The following PDE1A variants were observed in gnomAD, a reference collection of about 807,000 sequenced individuals.
The protein encoded by PDE1A is phosphodiesterase 1A.
In PDE1A, 35 loss-of-function variants were observed where a neutral mutation model predicts 61.7. That is an observed-to-expected ratio of 0.57 (90% confidence interval 0.43 to 0.75). PDE1A has a LOEUF of 0.75. Ranked by LOEUF, PDE1A falls within the 30% of genes least tolerant of loss-of-function variation. PDE1A has a pLI of 0.00. For missense variants in PDE1A, 597 were observed against 630.6 expected (o/e 0.95, Z 0.57); for synonymous variants, 232 against 213.2 (o/e 1.09, Z -0.77).
chr2:182,615,929 CT>C, the PDE1A span, among the ~76,000 whole-genome samples: 3 of 152,216 alleles, frequency 2.0e-5, no homozygotes, highest in Non-Finnish European at 4.4e-5. Flanking sequence ...CCAATCACCT[CT>C]TAAAGGTCTC....
chr2:182,381,025 AG>A (rs1397316426), intron 1 of PDE1A, among the ~76,000 whole-genome samples: 2 of 152,210 alleles, frequency 1.3e-5, no homozygotes, highest in Non-Finnish European at 1.5e-5. Context: ...GTTGTATTTG[AG>A]CCAAAGCAGT....
chr2:182,549,340 T>C, the PDE1A span, among the ~76,000 whole-genome samples: 3 of 152,080 alleles, frequency 2.0e-5, no homozygotes, highest in Non-Finnish European at 2.9e-5. Context: ...ATTACAAGTA[T>C]TGATTATGCA....
At chr2:182,196,275 CT>C (rs1272775269) in intron 10 of PDE1A, among the ~76,000 whole-genome samples, 1 of 151,924 alleles carries the variant, frequency 6.6e-6, no homozygotes, top group African/African-American at 2.4e-5. Context: ...CAGATCTGAA[CT>C]CAATTTCATT....
the PDE1A span, among the ~76,000 whole-genome samples, chr2:182,695,666 C>CAAAAAAAAAAAAA: frequency 3.0e-5 from 1 of 32,866 alleles, no homozygotes; most frequent in Non-Finnish European, 6.0e-5. Flanking sequence ...GGCCCTCTCT[C>CAAAAAAAAAAAAA]AAAAAAAAAA....
intron 2 of PDE1A, among the ~76,000 whole-genome samples, chr2:182,444,118 G>C (rs1393951579): frequency 6.6e-6 from 1 of 152,150 alleles, no homozygotes; most frequent in Non-Finnish European, 1.5e-5. Flanking sequence ...TCACTAAATA[G>C]ACACATGGTC....
chr2:182,386,152 T>C (rs1274568926), intron 1 of PDE1A, among the ~76,000 whole-genome samples: 1 of 152,194 alleles, frequency 6.6e-6, no homozygotes, highest in African/African-American at 2.4e-5. Flanking sequence ...CAGTGCTCAA[T>C]GTTGCCCAGG....
At chr2:182,702,976 C>T in the PDE1A span, among the ~76,000 whole-genome samples, 2 of 152,144 alleles carry the variant, frequency 1.3e-5, no homozygotes, top group Non-Finnish European at 2.9e-5. Flanking sequence ...GAAAGAATAA[C>T]CATTACTTTT....
At chr2:182,578,736 A>C in the PDE1A span, among the ~76,000 whole-genome samples, 1 of 152,222 alleles carries the variant, frequency 6.6e-6, no homozygotes, top group African/African-American at 2.4e-5. Flanking sequence ...AAGTTGTAGC[A>C]GTGTACATAG....
the PDE1A span, among the ~76,000 whole-genome samples, chr2:182,656,927 A>T: frequency 6.6e-6 from 1 of 152,142 alleles, no homozygotes; most frequent in African/African-American, 2.4e-5. Context: ...TATTATATGC[A>T]GAATAAAACA....
chr2:182,328,348 T>C (rs1336577237), intron 1 of PDE1A, among the ~76,000 whole-genome samples: 1 of 152,196 alleles, frequency 6.6e-6, no homozygotes, highest in African/African-American at 2.4e-5. Context: ...TAAAAGTTCA[T>C]TGTAATATTA....
chr2:182,389,506 G>A (rs1343446463), intron 1 of PDE1A, among the ~76,000 whole-genome samples: 2 of 151,982 alleles, frequency 1.3e-5, no homozygotes, highest in Non-Finnish European at 2.9e-5. Context: ...CTTAATATCA[G>A]TAATCATCAG....
At chr2:182,624,820 G>A in the PDE1A span, among the ~76,000 whole-genome samples, 1 of 152,176 alleles carries the variant, frequency 6.6e-6, no homozygotes, top group Admixed American at 6.5e-5. Flanking sequence ...CCCAGAGATT[G>A]AGAAACAATT....
intron 1 of PDE1A, among the ~76,000 whole-genome samples, chr2:182,282,447 A>C (rs1693870936): frequency 6.6e-6 from 1 of 152,050 alleles, no homozygotes; most frequent in African/African-American, 2.4e-5. Flanking sequence ...TTTTGAATTA[A>C]TTAAGTTCAT....
At chr2:182,707,226 A>C in the PDE1A span, among the ~76,000 whole-genome samples, 1 of 152,220 alleles carries the variant, frequency 6.6e-6, no homozygotes, top group Non-Finnish European at 1.5e-5. Context: ...TCAGTAACTT[A>C]AATTTCCAGC....
At chr2:182,527,349 TATATATATATATATATATATATATAC>T (rs1559543475), upstream of PDE1A, among the ~76,000 whole-genome samples, 3,937 of 84,080 alleles carry the variant, frequency 0.047, 271 homozygotes, top group Middle Eastern at 0.099. Context: ...TATATATATA[TATATATATATATATATATATATATAC>T]ACATATATAT....
chr2:182,326,482 G>A (rs948203359), intron 1 of PDE1A, among the ~76,000 whole-genome samples: 13 of 152,126 alleles, frequency 8.5e-5, no homozygotes, highest in African/African-American at 3.1e-4. Context: ...GATGAACACT[G>A]TATGATTCTT....
chr2:182,603,842 A>G, the PDE1A span, among the ~76,000 whole-genome samples: 4 of 152,216 alleles, frequency 2.6e-5, no homozygotes, highest in Non-Finnish European at 4.4e-5. Context: ...GAGCCAGAAT[A>G]TTAATAAATA....
exon 13 of PDE1A, chr2:182,186,038 C>T: frequency 2.5e-6 from 4 of 1,614,008 alleles, no homozygotes; most frequent in Non-Finnish European, 2.5e-6. Flanking sequence ...ATTTGATCGT[C>T]TTAGTGCATC....
At chr2:182,383,190 C>T (rs1051323111) in intron 1 of PDE1A, among the ~76,000 whole-genome samples, 1 of 152,186 alleles carries the variant, frequency 6.6e-6, no homozygotes, top group Non-Finnish European at 1.5e-5. Context: ...TCTTCTCTTT[C>T]TATCCAATTT....
Sources: allele counts gnomAD v4.1 joint callset (sites outside exome capture counted in the v4.1 genomes callset), GRCh38; gene constraint gnomAD v4.1.1; transcripts MANE v1.5; gene names NCBI Gene and HGNC (gene_info 2026-07-23, HGNC 2026-07-21).